SPIRE1: variants seen among roughly 807,000 people sequenced by gnomAD.
SPIRE1 encodes spire type actin nucleation factor 1, also known as protein spire homolog 1.
Under a neutral mutation model 94.1 loss-of-function variants are expected in SPIRE1, and 40 were observed. The observed-to-expected ratio is 0.43, with a 90% CI of 0.33 to 0.55. SPIRE1 has a LOEUF of 0.55. Among genes scored for constraint, SPIRE1 ranks in the 20% least tolerant of loss-of-function variants. The pLI is 0.06. For missense variants in SPIRE1, 838 were observed against 975.2 expected, an observed-to-expected ratio of 0.86 and a Z score of 1.87; for synonymous variants, 376 against 371.7, an observed-to-expected ratio of 1.01 and a Z score of -0.13.
chr18:12,557,013 G>T (rs1330826839), intron 2 of SPIRE1, among the ~76,000 whole-genome samples: 1 of 152,162 alleles, frequency 6.6e-6, no homozygotes, highest in Non-Finnish European at 1.5e-5. Context: ...TGATTGGTGC[G>T]TTTACAAACC....
chr18:12,537,417 T>A (rs2034873209), intron 3 of SPIRE1, among the ~76,000 whole-genome samples: 1 of 152,220 alleles, frequency 6.6e-6, no homozygotes. Flanking sequence ...AATAAATTTA[T>A]ATATATTCAC....
chr18:12,544,070 G>C (rs2035084062), intron 3 of SPIRE1, among the ~76,000 whole-genome samples: 1 of 152,086 alleles, frequency 6.6e-6, no homozygotes, highest in Admixed American at 6.5e-5. Context: ...GGTCAGTTTT[G>C]ATTAGCATGG....
intron 2 of SPIRE1, among the ~76,000 whole-genome samples, chr18:12,614,536 C>T (rs981990295): frequency 1.6e-4 from 24 of 152,308 alleles, no homozygotes; most frequent in Admixed American, 8.5e-4. Flanking sequence ...AGAAACTAAG[C>T]GGGAAGCAGT....
intron 4 of SPIRE1, among the ~76,000 whole-genome samples, chr18:12,530,669 T>C (rs1221309192): frequency 1.3e-5 from 2 of 152,158 alleles, no homozygotes; most frequent in Non-Finnish European, 2.9e-5. Context: ...TGCTATTTGA[T>C]TTTAAGAAGT....
At chr18:12,596,144 A>G (rs893460744) in intron 2 of SPIRE1, among the ~76,000 whole-genome samples, 4 of 152,222 alleles carry the variant, frequency 2.6e-5, no homozygotes, top group Admixed American at 6.5e-5. Context: ...CTGTGTATGA[A>G]TGGAGTTTTC....
rs558676173 is a variant in SPIRE1 at position 12,512,201 on chromosome 18, C to T, written c.807+253G>A. Among the ~76,000 whole-genome samples the T allele has an allele frequency of 2.2e-4, 34 of 152,200 alleles. 1 individual carries two copies. The highest frequency in any genetic ancestry group is 2.0e-3 in the Admixed American group (31 of 15,288). On this transcript the variant is annotated intron_variant, in intron 5 of 16. Transcript: ENST00000409402. ...CCAACATGGTGAAACCCCGTCTCTACTAAAAATACAAAATTAGCCAGGCGT... is the reference window on the plus strand; with the variant it reads ...CCAACATGGTGAAACCCCGTCTCTATTAAAAATACAAAATTAGCCAGGCGT...
At chr18:12,610,724 C>T (rs1470610873) in intron 2 of SPIRE1, among the ~76,000 whole-genome samples, 2 of 152,128 alleles carry the variant, frequency 1.3e-5, no homozygotes, top group Admixed American at 6.6e-5. Context: ...TTTCCTTGGT[C>T]CACTCACTCT....
At chr18:12,472,402 C>T (rs147405604) in intron 10 of SPIRE1, among the ~76,000 whole-genome samples, 6,340 of 148,346 alleles carry the variant, frequency 0.043, 402 homozygotes, top group African/African-American at 0.14. Context: ...GGGTCTCACT[C>T]TACCACCCAG....
At chr18:12,538,865 A>G (rs928907357) in intron 3 of SPIRE1, among the ~76,000 whole-genome samples, 3 of 152,090 alleles carry the variant, frequency 2.0e-5, no homozygotes, top group African/African-American at 7.2e-5. Flanking sequence ...CCAATCCATC[A>G]GTAAGTCTTG....
intron 2 of SPIRE1, among the ~76,000 whole-genome samples, chr18:12,557,823 A>G (rs2035562437): frequency 6.6e-6 from 1 of 152,138 alleles, no homozygotes; most frequent in South Asian, 2.1e-4. Flanking sequence ...AAACAGATAC[A>G]CAGACCAATG....
intron 10 of SPIRE1, among the ~76,000 whole-genome samples, chr18:12,469,252 G>C (rs2143660853): frequency 6.6e-6 from 1 of 151,968 alleles, no homozygotes; most frequent in East Asian, 1.9e-4. Context: ...ACCCAGGCTG[G>C]AGTGCAGTGG....
At chr18:12,505,549 T>C (rs996063005) in intron 6 of SPIRE1, among the ~76,000 whole-genome samples, 3 of 122,458 alleles carry the variant, frequency 2.4e-5, no homozygotes, top group African/African-American at 8.3e-5. Flanking sequence ...CAAGACCCTG[T>C]CTCAAAAAAA....
At chr18:12,580,888 C>T (rs987207492) in intron 2 of SPIRE1, among the ~76,000 whole-genome samples, 1 of 152,110 alleles carries the variant, frequency 6.6e-6, no homozygotes, top group African/African-American at 2.4e-5. Context: ...GCTAGTTATT[C>T]CTGGTGTGGT....
At chr18:12,593,050 G>C (rs1273009554) in intron 2 of SPIRE1, among the ~76,000 whole-genome samples, 1 of 152,208 alleles carries the variant, frequency 6.6e-6, no homozygotes, top group East Asian at 1.9e-4. Flanking sequence ...CTAAGTCTTT[G>C]TTGTAGATTA....
intron 2 of SPIRE1, among the ~76,000 whole-genome samples, chr18:12,626,887 T>TATATATATATATATATATATATATATATA (rs1555634099): frequency 1.9e-5 from 1 of 53,536 alleles, no homozygotes; most frequent in African/African-American, 4.5e-5. Context: ...TATATATATA[T>TATATATATATATATATATATATATATATA]TTTTTTTTTT....
In SPIRE1 at chr18:12,657,561, G is replaced by A. The variant is rs1018815202; in HGVS notation, c.306C>T (p.Ala102=). ...RDGAVTLAPA[A]DDAGEPPPVA... ...CTGGGGGCGGCTCTCCCGCGTCGTC[G>A]GCCGCGGGCGCCAGGGTGACGGCGC... Residue 102 remains alanine, a synonymous_variant, in exon 1 of 17, where the codon GCC becomes GCT. Coordinates refer to ENST00000409402, the MANE Select transcript of SPIRE1 (RefSeq NM_001128626.2). The A allele has an allele frequency of 1.1e-5, 13 of 1,235,904 alleles. No individual in the cohort carries two copies. The highest frequency in any genetic ancestry group is 1.6e-5 in the African/African-American group (1 of 64,006). The allele number at this position is 1,235,904 out of a possible 1,614,324, so 76.6% of individuals were successfully genotyped here.
intron 12 of SPIRE1, among the ~76,000 whole-genome samples, chr18:12,462,383 C>T (rs2031900865): frequency 6.6e-6 from 1 of 152,142 alleles, no homozygotes; most frequent in African/African-American, 2.4e-5. Context: ...AGATATTTGA[C>T]TGTGGGTAGA....
intron 16 of SPIRE1, among the ~76,000 whole-genome samples, chr18:12,450,138 G>T (rs1424572665): frequency 6.6e-6 from 1 of 151,766 alleles, no homozygotes; most frequent in Non-Finnish European, 1.5e-5. Context: ...ACTTTGGGAG[G>T]CTGAGGCAGG....
chr18:12,464,896 T>C lies in SPIRE1; in HGVS notation c.1467A>G (p.Pro489=). 6.2e-7 allele frequency: 1 copy of C among 1,614,084 alleles called. No individual in the cohort carries two copies. The highest frequency in any genetic ancestry group is 8.5e-7 in the Non-Finnish European group (1 of 1,179,988). The change falls in exon 11 of 17, where the codon CCA becomes CCG. Residue 489 remains proline, a synonymous_variant. Transcript: ENST00000409402. ...SSVSPSFPEE[P]VLEAVSTRKK... ...TCCTTGTGGACACGGCCTCCAGGACTGGCTCTTCAGGGAAAGAGGGAGACA... is the reference window on the plus strand; with the variant it reads ...TCCTTGTGGACACGGCCTCCAGGACCGGCTCTTCAGGGAAAGAGGGAGACA...
Sources: gnomAD v4.1 joint callset for allele counts (sites outside exome capture counted in the v4.1 genomes callset) on GRCh38, gnomAD v4.1.1 for gene constraint, MANE v1.5 for transcripts, NCBI Gene and HGNC (gene_info 2026-07-23, HGNC 2026-07-21) for gene names.